The following AFG2A variants were observed in gnomAD, a reference collection of about 807,000 sequenced individuals.
AFG2A encodes AAA ATPase AFG2A, also known as ATPase family gene 2 protein homolog A.
the AFG2A span, among the ~76,000 whole-genome samples, chr4:123,169,064 C>G: frequency 6.6e-6 from 1 of 152,122 alleles, no homozygotes; most frequent in Non-Finnish European, 1.5e-5. Context: ...CAGCTTATAA[C>G]ATTCTCAGAG....
the AFG2A span, among the ~76,000 whole-genome samples, chr4:122,966,046 A>G: frequency 6.6e-6 from 1 of 152,216 alleles, no homozygotes; most frequent in South Asian, 2.1e-4. Flanking sequence ...GATTGGTTGC[A>G]TTAGTATTAT....
At chr4:123,135,405 A>T in the AFG2A span, among the ~76,000 whole-genome samples, 3 of 152,202 alleles carry the variant, frequency 2.0e-5, no homozygotes, top group South Asian at 6.2e-4. Context: ...TGGAAGTCCT[A>T]GCCAGAGCAA....
chr4:123,317,793 G>A, the AFG2A span: 4 of 152,150 alleles, frequency 2.6e-5, no homozygotes, highest in Non-Finnish European at 5.9e-5. Context: ...GATGAAACAT[G>A]GATGAACAAA....
At chr4:123,280,889 A>T in the AFG2A span, among the ~76,000 whole-genome samples, 3 of 152,282 alleles carry the variant, frequency 2.0e-5, no homozygotes. Flanking sequence ...CTACCACAAT[A>T]ATCAAAAAAA....
At chr4:123,284,355 C>T in the AFG2A span, among the ~76,000 whole-genome samples, 3 of 152,360 alleles carry the variant, frequency 2.0e-5, no homozygotes, top group Non-Finnish European at 4.4e-5. Flanking sequence ...GACACTTCCT[C>T]TTTGCCTTGA....
chr4:123,022,391 T>G, the AFG2A span, among the ~76,000 whole-genome samples: 1 of 151,930 alleles, frequency 6.6e-6, no homozygotes, highest in Admixed American at 6.6e-5. Context: ...AACAGACACT[T>G]CTCAAAAGAA....
At chr4:123,172,731 C>A in the AFG2A span, among the ~76,000 whole-genome samples, 1 of 152,084 alleles carries the variant, frequency 6.6e-6, no homozygotes, top group Non-Finnish European at 1.5e-5. Context: ...TAAAGATTTT[C>A]CCATTAAGAT....
the AFG2A span, among the ~76,000 whole-genome samples, chr4:123,301,260 C>A: frequency 6.6e-6 from 1 of 152,082 alleles, no homozygotes; most frequent in Non-Finnish European, 1.5e-5. Flanking sequence ...GGCCAACAAA[C>A]ACACAAAATT....
At chr4:123,143,281 C>G in the AFG2A span, among the ~76,000 whole-genome samples, 2 of 151,682 alleles carry the variant, frequency 1.3e-5, no homozygotes, top group East Asian at 1.9e-4. Context: ...CCTTTCAATT[C>G]TAATGTTAAA....
chr4:123,056,476 G>C, the AFG2A span: 3 of 1,589,008 alleles, frequency 1.9e-6, no homozygotes, highest in Non-Finnish European at 2.6e-6. Flanking sequence ...CTCAGCACAG[G>C]AGAATCACAC....
At chr4:123,281,810 A>G in the AFG2A span, among the ~76,000 whole-genome samples, 6 of 152,184 alleles carry the variant, frequency 3.9e-5, no homozygotes, top group African/African-American at 7.2e-5. Context: ...AACCTTAAAT[A>G]TATATGACTA....
chr4:122,953,691 A>G, the AFG2A span, among the ~76,000 whole-genome samples: 1 of 152,228 alleles, frequency 6.6e-6, no homozygotes, highest in Non-Finnish European at 1.5e-5. Context: ...TAGGCTGTTT[A>G]TCTGTTTTCA....
chr4:123,043,394 A>G, the AFG2A span, among the ~76,000 whole-genome samples: 3 of 151,906 alleles, frequency 2.0e-5, no homozygotes, highest in Admixed American at 6.6e-5. Flanking sequence ...TTAAAAATCA[A>G]ATTTGCCTAT....
At chr4:123,018,137 A>T in the AFG2A span, among the ~76,000 whole-genome samples, 1 of 152,186 alleles carries the variant, frequency 6.6e-6, no homozygotes, top group Admixed American at 6.5e-5. Context: ...TTTGGCTAGG[A>T]AGAACTAACT....
At chr4:123,071,362 C>A in the AFG2A span, among the ~76,000 whole-genome samples, 2 of 152,134 alleles carry the variant, frequency 1.3e-5, no homozygotes, top group African/African-American at 4.8e-5. Context: ...TGCCTGTAAT[C>A]CCAGCTACTC....
the AFG2A span, among the ~76,000 whole-genome samples, chr4:122,950,767 G>T: frequency 1.3e-5 from 2 of 152,218 alleles, no homozygotes; most frequent in African/African-American, 4.8e-5. Flanking sequence ...AGGCATAGTG[G>T]CAGCCATCCA....
the AFG2A span, among the ~76,000 whole-genome samples, chr4:122,970,482 T>C: frequency 2.6e-5 from 4 of 151,828 alleles, no homozygotes; most frequent in Admixed American, 2.0e-4. Context: ...AAATTTTTTT[T>C]TTTTTTTGAG....
the AFG2A span, among the ~76,000 whole-genome samples, chr4:123,008,656 G>A: frequency 4.0e-3 from 600 of 151,484 alleles, 2 homozygotes; most frequent in African/African-American, 0.014. Context: ...TACATTTTTA[G>A]GAAAAAAAAG....
chr4:123,260,748 T>G, the AFG2A span, among the ~76,000 whole-genome samples: 1 of 152,352 alleles, frequency 6.6e-6, no homozygotes, highest in South Asian at 2.1e-4. Context: ...AAGGACCATT[T>G]GACCTGGTCT....
Sources: gnomAD v4.1 joint callset for allele counts (sites outside exome capture counted in the v4.1 genomes callset) on GRCh38, gnomAD v4.1.1 for gene constraint, MANE v1.5 for transcripts, NCBI Gene and HGNC (gene_info 2026-07-23, HGNC 2026-07-21) for gene names.